Variants in SLC8A1 observed in about 807,000 individuals in gnomAD.
SLC8A1 encodes sodium/calcium exchanger 1.
A neutral mutation model predicts 68.3 loss-of-function variants in SLC8A1; 18 were observed. That is an observed-to-expected ratio of 0.26 (90% confidence interval 0.18 to 0.39). The LOEUF (loss-of-function observed/expected upper bound fraction) is 0.39, where lower values mean the gene tolerates loss of function less well. Ranked by LOEUF, SLC8A1 falls within the 10% of genes least tolerant of loss-of-function variation. The pLI is 1.00. For missense variants in SLC8A1, 985 were observed against 1,156.7 expected (o/e 0.85, Z 2.15); for synonymous variants, 475 against 415.5 (o/e 1.14, Z -1.74).
At chr2:40,266,836 C>T (rs1254042030) in intron 2 of SLC8A1, among the ~76,000 whole-genome samples, 1 of 152,158 alleles carries the variant, frequency 6.6e-6, no homozygotes, top group Non-Finnish European at 1.5e-5. Context: ...AAAATTGGCA[C>T]TCTGCTTCCA....
At chr2:40,398,748 T>G (rs908120585) in intron 2 of SLC8A1, among the ~76,000 whole-genome samples, 1 of 152,206 alleles carries the variant, frequency 6.6e-6, no homozygotes, top group Non-Finnish European at 1.5e-5. Context: ...CATCCCCATA[T>G]TGATATTTAG....
exon 8 of SLC8A1, chr2:40,111,164 T>A (rs1242515966): frequency 2.0e-5 from 3 of 152,092 alleles, no homozygotes; most frequent in Non-Finnish European, 4.4e-5. Flanking sequence ...AAAAGCAAAA[T>A]TTTATAAAAC....
intron 2 of SLC8A1, among the ~76,000 whole-genome samples, chr2:40,297,398 G>A (rs957731616): frequency 1.3e-5 from 2 of 152,048 alleles, no homozygotes; most frequent in East Asian, 1.9e-4. Flanking sequence ...AAAATGTACT[G>A]ACACATTTTA....
chr2:40,276,941 T>C (rs2066774770), intron 2 of SLC8A1, among the ~76,000 whole-genome samples: 1 of 152,064 alleles, frequency 6.6e-6, no homozygotes, highest in Non-Finnish European at 1.5e-5. Context: ...AAGGCTTGAG[T>C]CGAATGACCA....
At chr2:40,494,984 G>A (rs1023964818) in intron 1 of SLC8A1, among the ~76,000 whole-genome samples, 1 of 151,668 alleles carries the variant, frequency 6.6e-6, no homozygotes, top group African/African-American at 2.4e-5. Flanking sequence ...CTGAAGCAAA[G>A]ATTGAAGTAA....
chr2:40,240,144 T>C (rs559191770), intron 2 of SLC8A1, among the ~76,000 whole-genome samples: 1 of 152,272 alleles, frequency 6.6e-6, no homozygotes, highest in East Asian at 1.9e-4. Flanking sequence ...TGGCATAATA[T>C]TTGGGGGAAA....
Position 40,145,436 on chromosome 2 carries a change from A to T in SLC8A1, c.2162-5760T>A, listed in dbSNP as rs568828574. On this transcript the variant is annotated intron_variant, in intron 6 of 7. Coordinates refer to ENST00000406785, the Ensembl canonical transcript of SLC8A1. Reference sequence around the variant, plus strand: ...GTGGCCTGAATCATCACAAGTCTGTATGTAAAGCGGTCTGGAAAATGTATG... The same window carrying T: ...GTGGCCTGAATCATCACAAGTCTGTTTGTAAAGCGGTCTGGAAAATGTATG... 1.4e-3 allele frequency among the ~76,000 whole-genome samples: 215 copies of T among 152,264 alleles called. 2 individuals carry two copies. Among genetic ancestry groups the T allele is most frequent in the Admixed American group, 0.011 (173 of 15,288 alleles).
At chr2:40,431,752 G>A (rs913009861) in intron 1 of SLC8A1, among the ~76,000 whole-genome samples, 2 of 151,956 alleles carry the variant, frequency 1.3e-5, no homozygotes, top group East Asian at 1.9e-4. Context: ...TCATAGCTTC[G>A]GGCTGGCTGA....
intron 1 of SLC8A1, among the ~76,000 whole-genome samples, chr2:40,445,829 A>G (rs1701334977): frequency 6.6e-6 from 1 of 152,192 alleles, no homozygotes; most frequent in African/African-American, 2.4e-5. Context: ...TCATTTTGGA[A>G]GAGTGACTTG....
At chr2:40,360,066 A>C (rs1432577981) in intron 2 of SLC8A1, among the ~76,000 whole-genome samples, 1 of 152,164 alleles carries the variant, frequency 6.6e-6, no homozygotes, top group Non-Finnish European at 1.5e-5. Context: ...TTAAGTGTTT[A>C]ATTTATTTAA....
intron 2 of SLC8A1, among the ~76,000 whole-genome samples, chr2:40,245,038 C>T (rs2061678212): frequency 2.0e-5 from 3 of 152,152 alleles, no homozygotes; most frequent in Admixed American, 2.0e-4. Context: ...ACATAAATGG[C>T]TATGTTAAAA....
At chr2:40,373,054 G>GT (rs934735553) in intron 2 of SLC8A1, among the ~76,000 whole-genome samples, 8 of 72,106 alleles carry the variant, frequency 1.1e-4, no homozygotes, top group African/African-American at 8.2e-4. Context: ...TTCAAACTAT[G>GT]TCCTAGCCAT....
exon 8 of SLC8A1, chr2:40,108,059 C>A (rs2034324063): frequency 1.3e-5 from 2 of 152,096 alleles, no homozygotes; most frequent in Admixed American, 1.3e-4. Flanking sequence ...AGTATCCCAT[C>A]TAATGCATCA....
chr2:40,509,597 C>G (rs933157733), intron 1 of SLC8A1, among the ~76,000 whole-genome samples: 2 of 151,914 alleles, frequency 1.3e-5, no homozygotes, highest in Middle Eastern at 3.2e-3. Flanking sequence ...CAGAAATACT[C>G]TTCCCCATCG....
intron 2 of SLC8A1, among the ~76,000 whole-genome samples, chr2:40,394,352 G>A (rs2149614390): frequency 6.6e-6 from 1 of 151,990 alleles, no homozygotes; most frequent in East Asian, 1.9e-4. Flanking sequence ...TAAGATATTT[G>A]CTTTTTCTAA....
At chr2:40,165,211 C>A (rs930184404) in intron 4 of SLC8A1, among the ~76,000 whole-genome samples, 2 of 152,132 alleles carry the variant, frequency 1.3e-5, no homozygotes, top group African/African-American at 2.4e-5. Context: ...TAAGCTCATG[C>A]AAAAGTTCAG....
chr2:40,375,633 T>C (rs1017577744), intron 2 of SLC8A1, among the ~76,000 whole-genome samples: 2 of 152,048 alleles, frequency 1.3e-5, no homozygotes, highest in African/African-American at 2.4e-5. Flanking sequence ...TCCTAAAAGA[T>C]ATTAAGGATT....
At chr2:40,213,112 TCTA>T (rs1320503131) in intron 2 of SLC8A1, 1 of 152,266 alleles carries the variant, frequency 6.6e-6, no homozygotes, top group East Asian at 1.9e-4. Context: ...TCTGTAGGTC[TCTA>T]CTTTGAGTTA....
In SLC8A1 at chr2:40,178,535, AAG is replaced by A. The variant is rs771114742; in HGVS notation, c.1809-682_1809-681del. ...AAATTGACGAACAAGGGGAAGAGGA[AAG>A]AGAAGAGAAGGAACATAGAGAAGAG... On this transcript the variant is annotated intron_variant, in intron 2 of 7. Coordinates refer to ENST00000406785, the Ensembl canonical transcript of SLC8A1. 5.3e-6 allele frequency: 8 copies of A among 1,497,518 alleles called. No individual in the cohort carries two copies. The Admixed American group carries it at 6.8e-5, about 13-fold the overall frequency. 92.8% of individuals were successfully genotyped at this position (1,497,518 alleles called of 1,614,324 possible). A position where few individuals can be genotyped will look rare whatever the true frequency, so the allele number is the denominator to read the frequency against.
Sources: gnomAD v4.1 joint callset for allele counts (sites outside exome capture counted in the v4.1 genomes callset) on GRCh38, gnomAD v4.1.1 for gene constraint, MANE v1.5 for transcripts, NCBI Gene and HGNC (gene_info 2026-07-23, HGNC 2026-07-21) for gene names.